The following XKR4 variants were observed in gnomAD, a reference collection of about 807,000 sequenced individuals.
The protein encoded by XKR4 is XK-related protein 4.
XKR4 carries 12 observed loss-of-function variants against 53.9 expected under a neutral mutation model. The ratio of observed to expected loss-of-function variants is 0.22; its 90% CI spans 0.14 to 0.36. XKR4 has a LOEUF of 0.36. Ranked by LOEUF, XKR4 falls within the 10% of genes least tolerant of loss-of-function variation. The pLI, the probability that XKR4 is intolerant of heterozygous loss-of-function variation, is 1.00. For synonymous variants in XKR4, 354 were observed against 362.4 expected, an observed-to-expected ratio of 0.98 and a Z score of 0.26; for missense variants, 799 against 859.5, an observed-to-expected ratio of 0.93 and a Z score of 0.88.
rs1276690304 is a variant in XKR4 at position 55,380,184 on chromosome 8, G to A, written c.1006+22307G>A. 2.0e-5 allele frequency among the ~76,000 whole-genome samples: 3 copies of A among 151,890 alleles called. No individual in the cohort carries two copies. The East Asian group carries it at 5.8e-4, about 29-fold the overall frequency. On this transcript the variant is annotated intron_variant, in intron 2 of 2. Transcript: ENST00000327381. ...GGCAACATCTGTTTCTCTCAAATAT[G>A]TGCTAGCATCCTTGAGAAATCATAG...
chr8:55,492,118 C>T (rs1302715722), intron 2 of XKR4, among the ~76,000 whole-genome samples: 1 of 152,130 alleles, frequency 6.6e-6, no homozygotes, highest in Non-Finnish European at 1.5e-5. Context: ...AGGCAAAGAG[C>T]CAGGGCAATT....
chr8:55,457,359 G>C (rs964475434), intron 2 of XKR4, among the ~76,000 whole-genome samples: 3 of 152,078 alleles, frequency 2.0e-5, no homozygotes, highest in Admixed American at 1.3e-4. Context: ...AGGCAGGATG[G>C]TCTCAATCTC....
intron 2 of XKR4, among the ~76,000 whole-genome samples, chr8:55,383,564 T>C (rs1804265539): frequency 6.6e-6 from 1 of 152,240 alleles, no homozygotes; most frequent in African/African-American, 2.4e-5. Flanking sequence ...TTAGGCAAAT[T>C]CGCATTATAA....
intron 2 of XKR4, among the ~76,000 whole-genome samples, chr8:55,499,767 T>C (rs992352456): frequency 6.6e-6 from 1 of 152,224 alleles, no homozygotes; most frequent in Non-Finnish European, 1.5e-5. Context: ...AGCAGTCGGC[T>C]GAATATCCAG....
chr8:55,466,841 G>A (rs1349139147), intron 2 of XKR4, among the ~76,000 whole-genome samples: 1 of 151,962 alleles, frequency 6.6e-6, no homozygotes, highest in Admixed American at 6.6e-5. Flanking sequence ...TTTATTTTTT[G>A]TTTGGATATC....
At chr8:55,254,684 T>G (rs1277643631) in intron 1 of XKR4, among the ~76,000 whole-genome samples, 1 of 152,132 alleles carries the variant, frequency 6.6e-6, no homozygotes, top group African/African-American at 2.4e-5. Flanking sequence ...TGCCAAACTG[T>G]TCGGGGAACC....
At chr8:55,460,640 A>G (rs1805640939) in intron 2 of XKR4, among the ~76,000 whole-genome samples, 1 of 152,180 alleles carries the variant, frequency 6.6e-6, no homozygotes, top group South Asian at 2.1e-4. Context: ...GGTGCAGGAC[A>G]GTGGGCGCAG....
chr8:55,521,259 G>C lies in XKR4; in HGVS notation c.1007-2022G>C, dbSNP rs565790827. Among the ~76,000 whole-genome samples, 23 of 152,330 alleles carry C rather than the reference G, an allele frequency of 1.5e-4. No individual in the cohort carries two copies. The South Asian group carries it at 4.8e-3, about 32-fold the overall frequency. On this transcript the variant is annotated intron_variant, in intron 2 of 2. Transcript: ENST00000327381. ...TGAGCGGCTTCTATGCCCTACAAAA[G>C]CGTCGAAATTAAAAAAGGCACAATC...
chr8:55,146,488 A>T (rs1241023005), intron 1 of XKR4, among the ~76,000 whole-genome samples: 1 of 152,236 alleles, frequency 6.6e-6, no homozygotes, highest in Non-Finnish European at 1.5e-5. Flanking sequence ...GATAGAACTG[A>T]TCTGTGTCTG....
intron 1 of XKR4, among the ~76,000 whole-genome samples, chr8:55,203,735 C>T (rs375437471): frequency 6.6e-6 from 1 of 152,100 alleles, no homozygotes; most frequent in South Asian, 2.1e-4. Context: ...TTTTAAACTC[C>T]CCAGGTCACT....
intron 1 of XKR4, among the ~76,000 whole-genome samples, chr8:55,139,392 G>C (rs1290125856): frequency 6.6e-6 from 1 of 151,936 alleles, no homozygotes; most frequent in Non-Finnish European, 1.5e-5. Context: ...AAATTATCTG[G>C]ATGCGGTGGC....
intron 2 of XKR4, among the ~76,000 whole-genome samples, chr8:55,363,681 T>C (rs1178438154): frequency 6.6e-6 from 1 of 152,124 alleles, no homozygotes; most frequent in East Asian, 1.9e-4. Context: ...GTCACCCCTG[T>C]GCCCAACGCC....
At chr8:55,227,890 A>C (rs1817977842) in intron 1 of XKR4, among the ~76,000 whole-genome samples, 1 of 152,084 alleles carries the variant, frequency 6.6e-6, no homozygotes, top group Admixed American at 6.6e-5. Flanking sequence ...ATGCCACATA[A>C]TATCATTACC....
intron 1 of XKR4, among the ~76,000 whole-genome samples, chr8:55,303,961 T>C (rs1563320008): frequency 6.6e-6 from 1 of 152,176 alleles, no homozygotes; most frequent in Non-Finnish European, 1.5e-5. Flanking sequence ...CCTGGATTCA[T>C]TGATTTTTTG....
At chr8:55,119,348 C>T (rs925954612) in intron 1 of XKR4, among the ~76,000 whole-genome samples, 1 of 152,050 alleles carries the variant, frequency 6.6e-6, no homozygotes, top group African/African-American at 2.4e-5. Flanking sequence ...GAAGTCCCTC[C>T]CAGAAGGGAC....
At chr8:55,252,281 A>G (rs1818371876) in intron 1 of XKR4, among the ~76,000 whole-genome samples, 1 of 152,252 alleles carries the variant, frequency 6.6e-6, no homozygotes, top group African/African-American at 2.4e-5. Flanking sequence ...CTTGCCATCA[A>G]GTTGGGCAAG....
intron 1 of XKR4, among the ~76,000 whole-genome samples, chr8:55,337,878 C>T (rs1803485155): frequency 6.6e-6 from 1 of 152,168 alleles, no homozygotes; most frequent in Admixed American, 6.5e-5. Context: ...GAATATTTTC[C>T]TCACTATGTT....
chr8:55,303,321 A>C (rs1373122339), intron 1 of XKR4, among the ~76,000 whole-genome samples: 3 of 152,108 alleles, frequency 2.0e-5, no homozygotes, highest in Non-Finnish European at 2.9e-5. Context: ...GTATGTTGAA[A>C]CAGGCTTGCA....
chr8:55,368,622 A>AT (rs1804028217), intron 2 of XKR4, among the ~76,000 whole-genome samples: 1 of 151,834 alleles, frequency 6.6e-6, no homozygotes, highest in Non-Finnish European at 1.5e-5. Flanking sequence ...ACTCTGCGTG[A>AT]TTTTCTCTTT....
Sources: gnomAD v4.1 joint callset for allele counts (sites outside exome capture counted in the v4.1 genomes callset) on GRCh38, gnomAD v4.1.1 for gene constraint, MANE v1.5 for transcripts, NCBI Gene and HGNC (gene_info 2026-07-23, HGNC 2026-07-21) for gene names.